KICS2: variants seen among roughly 807,000 people sequenced by gnomAD.
The protein encoded by KICS2 is KICSTOR subunit 2, also known as KICSTOR complex protein C12orf66.
KICS2 carries 13 observed loss-of-function variants against 31.4 expected under a neutral mutation model. The observed-to-expected ratio is 0.41, with a 90% CI of 0.27 to 0.66. The LOEUF (loss-of-function observed/expected upper bound fraction) is 0.66, where lower values mean the gene tolerates loss of function less well. KICS2 is among the 30% of genes least tolerant of loss of function. The probability of loss-of-function intolerance (pLI) is 0.28; values close to 1 mark genes in which losing one functional copy is unlikely to be tolerated. For missense variants in KICS2, 455 were observed against 545.4 expected (o/e 0.83, Z 1.65); for synonymous variants, 209 against 214.8 (o/e 0.97, Z 0.24).
chr12:64,206,528 T>G (rs2037540320), intron 2 of KICS2, among the ~76,000 whole-genome samples: 1 of 152,138 alleles, frequency 6.6e-6, no homozygotes, highest in Admixed American at 6.5e-5. Flanking sequence ...AAAATAACAT[T>G]TCAGAGGAAG....
chr12:64,214,644 C>CCCT (rs1171071668), intron 2 of KICS2, among the ~76,000 whole-genome samples: 1 of 151,708 alleles, frequency 6.6e-6, no homozygotes, highest in Admixed American at 6.6e-5. Context: ...CTTTGGGAGG[C>CCCT]CAAGACAGGG....
intron 2 of KICS2, 31 bp downstream of exon 2, chr12:64,215,647 C>T (rs371587491): frequency 9.5e-6 from 15 of 1,581,520 alleles, no homozygotes; most frequent in African/African-American, 8.1e-5. Flanking sequence ...AGGACAGCCA[C>T]GCTTTCTCCC....
chr12:64,221,962 T>C (rs1364243263), intron 1 of KICS2, 41 bp downstream of exon 1: 1 of 1,466,718 alleles, frequency 6.8e-7, no homozygotes, highest in Admixed American at 1.9e-5. Flanking sequence ...ATACCCCCTT[T>C]ACTTCCTCCT....
At chr12:64,187,786 A>G (rs984102666), downstream of KICS2, 1 of 650,194 alleles carries the variant, frequency 1.5e-6, no homozygotes, top group Non-Finnish European at 2.6e-6. Flanking sequence ...TTACTTGAAA[A>G]AAATCAGAGG....
In KICS2 at chr12:64,201,467, AG is replaced by A. The variant is rs1330610476; in HGVS notation, c.522-6810del. 1.7e-4 allele frequency among the ~76,000 whole-genome samples: 11 copies of A among 66,558 alleles called. No individual in the cohort carries two copies. The South Asian group carries it at 2.5e-3, about 15-fold the overall frequency. 43.7% of individuals were successfully genotyped at this position (66,558 alleles called of 152,430 possible). A position where few individuals can be genotyped will look rare whatever the true frequency, so the allele number is the denominator to read the frequency against. ...CTGGGGACTGTTGTGGGGTGGGGGG[AG>A]GGGGGAGGGATAGCATTGGGAGATA... On this transcript the variant is annotated intron_variant, in intron 2 of 2. Transcript: ENST00000398055.
chr12:64,222,039 CCTT>C lies in KICS2; in HGVS notation c.196_198del (p.Lys66del). On this transcript the variant is annotated inframe_deletion, in exon 1 of 3. Transcript: ENST00000398055. ...CCCAGGTAGGTGAGGCTGTGATAGA[CCTT>C]CTCGGCCGCGGCCAGGTGCGCCAAG... The C allele has an allele frequency of 1.9e-6, 3 of 1,613,772 alleles. No individual in the cohort carries two copies. Among genetic ancestry groups the C allele is most frequent in the Non-Finnish European group, 2.5e-6 (3 of 1,179,914 alleles).
chr12:64,207,750 C>T (rs1317497983), intron 2 of KICS2, among the ~76,000 whole-genome samples: 1 of 152,168 alleles, frequency 6.6e-6, no homozygotes, highest in Non-Finnish European at 1.5e-5. Flanking sequence ...CTGAACCCTG[C>T]TCAGGTCAGC....
downstream of KICS2, chr12:64,187,591 G>A (rs984796793): frequency 2.6e-6 from 4 of 1,522,792 alleles, no homozygotes; most frequent in African/African-American, 2.8e-5. Context: ...ATTTCCTCTG[G>A]AGAAGCAGCT....
intron 2 of KICS2, among the ~76,000 whole-genome samples, chr12:64,208,977 G>C (rs1473797142): frequency 6.6e-6 from 1 of 151,692 alleles, no homozygotes; most frequent in Non-Finnish European, 1.5e-5. Context: ...AAATCAGCCA[G>C]AATTTTCTTT....
In KICS2 at chr12:64,193,551, A is replaced by G. The variant is rs538110578; in HGVS notation, c.*291T>C. 8.8e-7 allele frequency: 1 copy of G among 1,134,546 alleles called. No homozygotes were observed. Among genetic ancestry groups the G allele is most frequent in the East Asian group, 5.0e-5 (1 of 19,960 alleles). The allele number at this position is 1,134,546 out of a possible 1,614,324, so 70.3% of individuals were successfully genotyped here. ...AACATATGGGAAAAAAAAAAGCCCA[A>G]TAAATATTCAATCTACAAGAAATAT... is the stretch of plus-strand genomic sequence containing the variant. On this transcript the variant is annotated 3_prime_UTR_variant, in exon 3 of 3. Transcript: ENST00000398055.
chr12:64,212,712 C>T (rs987220737), intron 2 of KICS2, among the ~76,000 whole-genome samples: 5 of 152,070 alleles, frequency 3.3e-5, no homozygotes, highest in African/African-American at 1.2e-4. Context: ...AGTAGAATTG[C>T]TGATCATATG....
At chr12:64,217,373 G>A (rs756431026) in intron 1 of KICS2, among the ~76,000 whole-genome samples, 5 of 151,960 alleles carry the variant, frequency 3.3e-5, no homozygotes, top group Non-Finnish European at 7.4e-5. Flanking sequence ...TAAACCAGGG[G>A]TGTTCAATCT....
intron 1 of KICS2, among the ~76,000 whole-genome samples, chr12:64,220,516 T>C (rs2037671026): frequency 6.6e-6 from 1 of 151,712 alleles, no homozygotes; most frequent in East Asian, 1.9e-4. Context: ...ACAGCTTTCA[T>C]CAAATTTCCA....
chr12:64,188,812 A>G (rs2037358947), downstream of KICS2, among the ~76,000 whole-genome samples: 1 of 152,112 alleles, frequency 6.6e-6, no homozygotes, highest in Admixed American at 6.6e-5. Context: ...AAAACTCCCC[A>G]TTGTCTGGAA....
chr12:64,215,469 A>AT (rs559593113), intron 2 of KICS2, among the ~76,000 whole-genome samples: 56 of 152,290 alleles, frequency 3.7e-4, no homozygotes, highest in African/African-American at 1.3e-3. Context: ...GTCTTTTGCT[A>AT]TTGCTTAGCA....
At chr12:64,204,536 A>G (rs2037519454) in intron 2 of KICS2, among the ~76,000 whole-genome samples, 1 of 152,244 alleles carries the variant, frequency 6.6e-6, no homozygotes, top group South Asian at 2.1e-4. Flanking sequence ...CTGTAATCTT[A>G]GCACTTTGGG....
At chr12:64,187,841 A>C (rs2037351019), downstream of KICS2, among the ~76,000 whole-genome samples, 1 of 152,240 alleles carries the variant, frequency 6.6e-6, no homozygotes, top group African/African-American at 2.4e-5. Context: ...ATACACTAAA[A>C]GTGATCTTTT....
intron 2 of KICS2, among the ~76,000 whole-genome samples, chr12:64,210,491 C>A (rs746552150): frequency 1.4e-4 from 21 of 152,112 alleles, no homozygotes; most frequent in Admixed American, 1.4e-3. Flanking sequence ...GTGGCTTACA[C>A]CTGTAATCCC....
At chr12:64,216,134 A>AG in intron 1 of KICS2, 171 bp from the exon 2 acceptor site, 1 of 173,652 alleles carries the variant, frequency 5.8e-6, no homozygotes, top group South Asian at 1.9e-4. Flanking sequence ...ATAATCATAA[A>AG]TACTTTATGA....
Sources: gnomAD v4.1 joint callset for allele counts (sites outside exome capture counted in the v4.1 genomes callset) on GRCh38, gnomAD v4.1.1 for gene constraint, MANE v1.5 for transcripts, NCBI Gene and HGNC (gene_info 2026-07-23, HGNC 2026-07-21) for gene names.